Variants in KLF15 observed in about 807,000 individuals in gnomAD.
KLF15 encodes KLF transcription factor 15.
KLF15 carries 4 observed loss-of-function variants against 24.6 expected under a neutral mutation model. The ratio of observed to expected loss-of-function variants is 0.16; its 90% CI spans 0.08 to 0.37. KLF15 has a LOEUF of 0.37. Ranked by LOEUF, KLF15 falls within the 10% of genes least tolerant of loss-of-function variation. KLF15 has a pLI of 1.00. For synonymous variants in KLF15, 246 were observed against 236.3 expected, an observed-to-expected ratio of 1.04 and a Z score of -0.37; for missense variants, 496 against 560.6, an observed-to-expected ratio of 0.88 and a Z score of 1.16.
chr3:126,352,647 G>A lies in KLF15; in HGVS notation c.276C>T (p.Ser92=), dbSNP rs765058219. ...CACTGCTGGCCCCAATGCTACTGCC[G>A]CTGCCCCCGCCACTGCCCAGCGTGG... ...SQATLGSGGG[S]GSSIGASSGP... The change falls in exon 2 of 3, where the codon AGC becomes AGT. Residue 92 remains serine, a synonymous_variant. Transcript: ENST00000296233. 11 of 1,574,106 alleles carry A rather than the reference G, an allele frequency of 7.0e-6. No individual in the cohort carries two copies. Among genetic ancestry groups the A allele is most frequent in the Middle Eastern group, 1.7e-4 (1 of 6,002 alleles).
the KLF15 span, among the ~76,000 whole-genome samples, chr3:126,326,541 C>T: frequency 6.6e-6 from 1 of 152,260 alleles, no homozygotes; most frequent in African/African-American, 2.4e-5. Context: ...CAGGTTGTAG[C>T]TGCTGGGTTT....
chr3:126,301,944 T>G, the KLF15 span, among the ~76,000 whole-genome samples: 2 of 123,020 alleles, frequency 1.6e-5, no homozygotes, highest in Non-Finnish European at 3.6e-5. Flanking sequence ...TTTGCTTTTT[T>G]TTTTCCTAGT....
the KLF15 span, among the ~76,000 whole-genome samples, chr3:126,295,435 T>C: frequency 6.6e-6 from 1 of 152,230 alleles, no homozygotes; most frequent in Non-Finnish European, 1.5e-5. Flanking sequence ...CGTCACCATA[T>C]GCTGCTCTAA....
At chr3:126,316,149 G>A in the KLF15 span, among the ~76,000 whole-genome samples, 36,578 of 151,948 alleles carry the variant, frequency 0.24, 4,686 homozygotes, top group Non-Finnish European at 0.29. Context: ...TTTACTATCC[G>A]GCCCTTCACA....
At chr3:126,308,678 G>A in the KLF15 span, among the ~76,000 whole-genome samples, 1 of 152,198 alleles carries the variant, frequency 6.6e-6, no homozygotes. Context: ...GCTCTCTCCC[G>A]GGGAGTGGAG....
the KLF15 span, among the ~76,000 whole-genome samples, chr3:126,305,637 G>C: frequency 6.8e-6 from 1 of 146,742 alleles, no homozygotes; most frequent in Non-Finnish European, 1.5e-5. Context: ...TTACTGCAAG[G>C]GAGACTGGGA....
the KLF15 span, among the ~76,000 whole-genome samples, chr3:126,301,667 T>G: frequency 6.7e-6 from 1 of 148,616 alleles, no homozygotes; most frequent in Non-Finnish European, 1.5e-5. Flanking sequence ...CAGGCTGGAG[T>G]GCAATGGCGC....
chr3:126,327,794 T>G, the KLF15 span, among the ~76,000 whole-genome samples: 6 of 152,226 alleles, frequency 3.9e-5, no homozygotes, highest in African/African-American at 1.4e-4. Context: ...TTACCATAAT[T>G]TATCTACTCG....
the KLF15 span, among the ~76,000 whole-genome samples, chr3:126,317,321 G>T: frequency 2.0e-5 from 3 of 152,174 alleles, no homozygotes. Flanking sequence ...CCACCATCAG[G>T]TGATGATCAG....
At chr3:126,343,987 T>G in intron 2 of KLF15, 92 bp from the exon 3 acceptor site, 1 of 1,342,062 alleles carries the variant, frequency 7.5e-7, no homozygotes, top group Non-Finnish European at 9.9e-7. Flanking sequence ...GGCGTGCACC[T>G]GGCACTCACC....
At chr3:126,290,785 T>C in the KLF15 span, 1 of 152,238 alleles carries the variant, frequency 6.6e-6, no homozygotes, top group South Asian at 2.1e-4. Context: ...TGGGTCACTT[T>C]ACATATTATT....
the KLF15 span, among the ~76,000 whole-genome samples, chr3:126,298,245 C>T: frequency 6.8e-6 from 1 of 147,390 alleles, no homozygotes; most frequent in African/African-American, 2.5e-5. Context: ...GTTTGTATAT[C>T]TTCTTTTGCA....
At chr3:126,333,614 G>T in the KLF15 span, among the ~76,000 whole-genome samples, 3 of 148,684 alleles carry the variant, frequency 2.0e-5, no homozygotes, top group African/African-American at 7.5e-5. Flanking sequence ...CCAATTAAAA[G>T]ACACAGACTG....
downstream of KLF15, among the ~76,000 whole-genome samples, chr3:126,341,260 TCCC>T (rs1303779488): frequency 6.6e-6 from 1 of 151,832 alleles, no homozygotes; most frequent in Non-Finnish European, 1.5e-5. Flanking sequence ...TTACACACAC[TCCC>T]TGCCACAAGA....
chr3:126,308,977 C>T, the KLF15 span, among the ~76,000 whole-genome samples: 2 of 152,106 alleles, frequency 1.3e-5, no homozygotes, highest in Non-Finnish European at 2.9e-5. Flanking sequence ...GCAGCTGGGG[C>T]ATGTGGAAAG....
At chr3:126,314,093 G>A in the KLF15 span, among the ~76,000 whole-genome samples, 3 of 152,096 alleles carry the variant, frequency 2.0e-5, no homozygotes, top group East Asian at 5.8e-4. Flanking sequence ...ACAAAAGCTT[G>A]CTGAGCCCTG....
downstream of KLF15, among the ~76,000 whole-genome samples, chr3:126,340,264 G>T (rs1258243656): frequency 6.6e-6 from 1 of 152,254 alleles, no homozygotes; most frequent in Non-Finnish European, 1.5e-5. Context: ...AGCCTCCCTG[G>T]CAGTGGATGA....
chr3:126,296,822 A>AT, the KLF15 span, among the ~76,000 whole-genome samples: 1 of 152,212 alleles, frequency 6.6e-6, no homozygotes, highest in Admixed American at 6.5e-5. Flanking sequence ...TTTTGAGGGG[A>AT]TATTCATCTC....
the KLF15 span, chr3:126,288,168 T>A: frequency 6.6e-6 from 1 of 152,196 alleles, no homozygotes; most frequent in Non-Finnish European, 1.5e-5. Context: ...TTATTTAATA[T>A]GTACTAAAAA....
Sources: allele counts gnomAD v4.1 joint callset (sites outside exome capture counted in the v4.1 genomes callset), GRCh38; gene constraint gnomAD v4.1.1; transcripts MANE v1.5; gene names NCBI Gene and HGNC (gene_info 2026-07-23, HGNC 2026-07-21).